The following PAK1 variants were observed in gnomAD, a reference collection of about 807,000 sequenced individuals.
PAK1 encodes the protein serine/threonine-protein kinase PAK 1.
Under a neutral mutation model 67.4 loss-of-function variants are expected in PAK1, and 29 were observed. The ratio of observed to expected loss-of-function variants is 0.43; its 90% CI spans 0.32 to 0.59. The LOEUF is 0.59. Among genes scored for constraint, PAK1 ranks in the 20% least tolerant of loss-of-function variants. The pLI is 0.07. For missense variants in PAK1, 337 were observed against 670.7 expected, an observed-to-expected ratio of 0.50 and a Z score of 5.50; for synonymous variants, 223 against 237.4, an observed-to-expected ratio of 0.94 and a Z score of 0.56.
chr11:77,455,628 CCTTTAATAAAT>C (rs1372410734), intron 1 of PAK1, among the ~76,000 whole-genome samples: 4 of 152,198 alleles, frequency 2.6e-5, no homozygotes, highest in African/African-American at 9.7e-5. Flanking sequence ...TCTCTGATAT[CCTTTAATAAAT>C]CTTTTTTGCT....
intron 1 of PAK1, among the ~76,000 whole-genome samples, chr11:77,410,081 T>A (rs1464688549): frequency 6.6e-6 from 1 of 152,108 alleles, no homozygotes; most frequent in Non-Finnish European, 1.5e-5. Context: ...GGCCTCCTCC[T>A]CCTCCTGTCC....
At chr11:77,432,624 C>T (rs1955912861) in intron 1 of PAK1, among the ~76,000 whole-genome samples, 1 of 152,108 alleles carries the variant, frequency 6.6e-6, no homozygotes, top group Non-Finnish European at 1.5e-5. Context: ...CACCACTGCA[C>T]TCCTGCCTAG....
chr11:77,477,030 A>G (rs1958067875), upstream of PAK1: 1 of 152,186 alleles, frequency 6.6e-6, no homozygotes, highest in Non-Finnish European at 1.5e-5. Flanking sequence ...TTTTAAGCCC[A>G]CTTTGTGTTT....
the PAK1 span, among the ~76,000 whole-genome samples, chr11:77,503,245 T>C: frequency 6.6e-6 from 1 of 152,214 alleles, no homozygotes; most frequent in African/African-American, 2.4e-5. Context: ...GGAGTGGGTC[T>C]AAGGCCAATC....
chr11:77,405,668 CAG>C (rs200611929), intron 1 of PAK1, among the ~76,000 whole-genome samples: 12 of 125,592 alleles, frequency 9.6e-5, no homozygotes, highest in East Asian at 5.1e-4. Flanking sequence ...GACAGACAGA[CAG>C]ACAGACACAC....
the PAK1 span, among the ~76,000 whole-genome samples, chr11:77,486,892 C>T: frequency 1.3e-5 from 2 of 152,100 alleles, no homozygotes; most frequent in African/African-American, 2.4e-5. Flanking sequence ...TGCAATTCCT[C>T]GGCAAGTCCG....
At chr11:77,341,079 AGAAAGACT>A (rs1943525835) in intron 10 of PAK1, among the ~76,000 whole-genome samples, 2 of 152,306 alleles carry the variant, frequency 1.3e-5, no homozygotes, top group Admixed American at 1.3e-4. Context: ...TCCTAAAATT[AGAAAGACT>A]GACATGATTC....
At chr11:77,332,278 C>T (rs1274430333) in intron 14 of PAK1, among the ~76,000 whole-genome samples, 26 of 99,336 alleles carry the variant, frequency 2.6e-4, no homozygotes, top group African/African-American at 9.7e-4. Flanking sequence ...CGCCATTGCA[C>T]ACTCCTGCCT....
chr11:77,523,586 A>C, the PAK1 span, among the ~76,000 whole-genome samples: 1 of 151,948 alleles, frequency 6.6e-6, no homozygotes, highest in Non-Finnish European at 1.5e-5. Flanking sequence ...TGTCTGGCTA[A>C]TTTTTGTATT....
intron 1 of PAK1, among the ~76,000 whole-genome samples, chr11:77,445,996 G>C (rs1439538938): frequency 6.6e-6 from 1 of 152,116 alleles, no homozygotes; most frequent in Admixed American, 6.5e-5. Flanking sequence ...ACAGTTCATA[G>C]TACATGCTCA....
chr11:77,439,670 T>C (rs1592480535), intron 1 of PAK1, among the ~76,000 whole-genome samples: 2 of 152,354 alleles, frequency 1.3e-5, no homozygotes, highest in South Asian at 4.1e-4. Flanking sequence ...CTTCTATGTC[T>C]CTACCTCAGT....
the PAK1 span, among the ~76,000 whole-genome samples, chr11:77,482,020 G>A: frequency 6.3e-3 from 953 of 151,546 alleles, 5 homozygotes; most frequent in African/African-American, 0.022. Context: ...ATGGAGTCTC[G>A]CTCTGTTGCC....
chr11:77,323,858 C>A (rs757644436), intron 14 of PAK1, among the ~76,000 whole-genome samples: 3 of 152,166 alleles, frequency 2.0e-5, no homozygotes, highest in Non-Finnish European at 4.4e-5. Context: ...TATTCCATTT[C>A]TTCCGAGGTA....
At chr11:77,347,026 A>G (rs1269811187) in intron 9 of PAK1, 3 of 456,160 alleles carry the variant, frequency 6.6e-6, no homozygotes, top group African/African-American at 2.0e-5. Flanking sequence ...CCAATAAGCA[A>G]GAACTCACAA....
At chr11:77,429,080 A>AC (rs1955728994) in intron 1 of PAK1, among the ~76,000 whole-genome samples, 1 of 121,818 alleles carries the variant, frequency 8.2e-6, no homozygotes, top group African/African-American at 4.0e-5. Context: ...AAAAAAAAAA[A>AC]AAAAAAAAAA....
chr11:77,350,556 G>T (rs1257432704), intron 8 of PAK1, among the ~76,000 whole-genome samples: 1 of 152,154 alleles, frequency 6.6e-6, no homozygotes, highest in Non-Finnish European at 1.5e-5. Flanking sequence ...ATTTGTACCT[G>T]TACATGCCAT....
intron 9 of PAK1, chr11:77,347,088 G>A (rs1565597786): frequency 2.2e-6 from 1 of 456,222 alleles, no homozygotes; most frequent in Non-Finnish European, 4.4e-6. Flanking sequence ...CCCTGGGGCA[G>A]GAAATGAAGC....
chr11:77,329,823 A>G (rs1941018987), intron 14 of PAK1, among the ~76,000 whole-genome samples: 1 of 152,222 alleles, frequency 6.6e-6, no homozygotes, highest in Non-Finnish European at 1.5e-5. Flanking sequence ...GCATTCAATT[A>G]GGAAAAAAAG....
intron 5 of PAK1, among the ~76,000 whole-genome samples, chr11:77,372,674 A>T (rs1030867514): frequency 6.6e-6 from 1 of 152,152 alleles, no homozygotes; most frequent in Admixed American, 6.6e-5. Flanking sequence ...TGTCCTGCTT[A>T]CCAATCCTCC....
Sources: allele counts gnomAD v4.1 joint callset (sites outside exome capture counted in the v4.1 genomes callset), GRCh38; gene constraint gnomAD v4.1.1; transcripts MANE v1.5; gene names NCBI Gene and HGNC (gene_info 2026-07-23, HGNC 2026-07-21).